DGKG: variants seen among roughly 807,000 people sequenced by gnomAD.
DGKG encodes DAG kinase gamma.
In DGKG, 78 loss-of-function variants were observed where a neutral mutation model predicts 105.3. The ratio of observed to expected loss-of-function variants is 0.74; its 90% CI spans 0.62 to 0.89. DGKG has a LOEUF of 0.89. Ranked by LOEUF, DGKG falls within the 40% of genes least tolerant of loss-of-function variation. The pLI, the probability that DGKG is intolerant of heterozygous loss-of-function variation, is 0.00. For missense variants in DGKG, 958 were observed against 1,020.1 expected (o/e 0.94, Z 0.83); for synonymous variants, 346 against 367.1 (o/e 0.94, Z 0.66).
chr3:186,298,234 G>A lies in DGKG; in HGVS notation c.145-5C>T. Reference sequence around the variant, plus strand: ...GAAGACATCATAGCTAATCGGCTGAGAAGGGGCAAAAGGGCAAAGTCAGTG... The same window carrying A: ...GAAGACATCATAGCTAATCGGCTGAAAAGGGGCAAAAGGGCAAAGTCAGTG... On this transcript the variant is annotated splice_polypyrimidine_tract_variant and splice_region_variant and intron_variant, in intron 3 of 24. Transcript: ENST00000265022. 6.3e-7 allele frequency: 1 copy of A among 1,586,886 alleles called. No individual in the cohort carries two copies. The highest frequency in any genetic ancestry group is 1.2e-5 in the South Asian group (1 of 86,908).
intron 6 of DGKG, 66 bp downstream of exon 6, chr3:186,288,644 A>T: frequency 6.5e-7 from 1 of 1,540,346 alleles, no homozygotes. Flanking sequence ...GTTTAGGAAT[A>T]ATGGATAGAA....
chr3:186,312,428 A>G (rs1368274809), intron 2 of DGKG, among the ~76,000 whole-genome samples: 4 of 152,116 alleles, frequency 2.6e-5, no homozygotes, highest in Admixed American at 6.6e-5. Context: ...AGTGACACCA[A>G]TTTTGCAGGT....
intron 1 of DGKG, among the ~76,000 whole-genome samples, chr3:186,355,939 T>C (rs1726934506): frequency 6.6e-6 from 1 of 152,216 alleles, no homozygotes; most frequent in Non-Finnish European, 1.5e-5. Flanking sequence ...GGAACCAGCA[T>C]GGAATCACTG....
chr3:186,276,607 C>T (rs752771144), intron 9 of DGKG, among the ~76,000 whole-genome samples: 1 of 152,212 alleles, frequency 6.6e-6, no homozygotes, highest in Non-Finnish European at 1.5e-5. Flanking sequence ...CACCTCCTGA[C>T]TTTGTTCAGA....
chr3:186,352,500 T>C (rs1234253650), intron 1 of DGKG, among the ~76,000 whole-genome samples: 1 of 152,156 alleles, frequency 6.6e-6, no homozygotes, highest in Non-Finnish European at 1.5e-5. Flanking sequence ...ATCTATCCAA[T>C]TACATCTCCA....
At chr3:186,199,594 C>G (rs768811381) in intron 21 of DGKG, among the ~76,000 whole-genome samples, 3 of 152,028 alleles carry the variant, frequency 2.0e-5, no homozygotes, top group Non-Finnish European at 4.4e-5. Flanking sequence ...CTCACTGCAA[C>G]CTCCGCCTCC....
intron 2 of DGKG, among the ~76,000 whole-genome samples, chr3:186,312,906 TAC>T (rs1246014225): frequency 1.3e-5 from 2 of 152,246 alleles, no homozygotes; most frequent in Non-Finnish European, 2.9e-5. Context: ...ATGTACTTGC[TAC>T]ACACATATTC....
At chr3:186,234,815 T>G (rs1263827284) in intron 20 of DGKG, among the ~76,000 whole-genome samples, 1 of 152,158 alleles carries the variant, frequency 6.6e-6, no homozygotes, top group Non-Finnish European at 1.5e-5. Flanking sequence ...TAAGAGTCAG[T>G]GTGATTTCAT....
chr3:186,252,976 G>C (rs1213288678), intron 18 of DGKG, 117 bp downstream of exon 18: 1 of 822,678 alleles, frequency 1.2e-6, no homozygotes, highest in African/African-American at 1.7e-5. Context: ...CTGCAGAGTT[G>C]AGTATTATGC....
intron 9 of DGKG, among the ~76,000 whole-genome samples, chr3:186,275,908 C>T (rs962518133): frequency 2.0e-5 from 3 of 152,104 alleles, no homozygotes; most frequent in Non-Finnish European, 2.9e-5. Context: ...AATCCTCTCC[C>T]GCATGGCTGG....
intron 1 of DGKG, among the ~76,000 whole-genome samples, chr3:186,360,903 C>T (rs1013178101): frequency 6.6e-6 from 1 of 152,242 alleles, no homozygotes; most frequent in Non-Finnish European, 1.5e-5. Context: ...CCAGGCCCTC[C>T]TCCCCACAGA....
At chr3:186,174,341 T>G (rs1431223915) in intron 22 of DGKG, among the ~76,000 whole-genome samples, 1 of 152,116 alleles carries the variant, frequency 6.6e-6, no homozygotes, top group Non-Finnish European at 1.5e-5. Flanking sequence ...CCGACTTTGC[T>G]ACACAGTAAG....
At chr3:186,157,428 T>C (rs1471770871) in intron 24 of DGKG, among the ~76,000 whole-genome samples, 1 of 152,190 alleles carries the variant, frequency 6.6e-6, no homozygotes, top group Non-Finnish European at 1.5e-5. Flanking sequence ...TATAGTCTTC[T>C]ATTTTTAAAT....
chr3:186,359,711 G>T (rs1478831346), intron 1 of DGKG, among the ~76,000 whole-genome samples: 1 of 152,090 alleles, frequency 6.6e-6, no homozygotes, highest in Non-Finnish European at 1.5e-5. Context: ...AATAAATGCT[G>T]GCTCTCTATG....
At position 186,148,866 on chromosome 3, in the gene DGKG, G is replaced by C. The variant is rs1682939340; in HGVS notation, c.*1224C>G. Reference sequence around the variant, plus strand: ...CTGACAATGAAACGGTGGAGTGGGGGAGTGAGAACCTTCTTTTTCCTTACC... The same window carrying C: ...CTGACAATGAAACGGTGGAGTGGGGCAGTGAGAACCTTCTTTTTCCTTACC... On this transcript the variant is annotated 3_prime_UTR_variant, in exon 25 of 25. Transcript: ENST00000265022. 1 of 984,580 alleles carries C rather than the reference G, an allele frequency of 1.0e-6. No individual in the cohort carries two copies. Among genetic ancestry groups the C allele is most frequent in the Middle Eastern group, 5.2e-4 (1 of 1,910 alleles). The allele number at this position is 984,580 out of a possible 1,614,324, so 61.0% of individuals were successfully genotyped here.
At chr3:186,267,188 G>T (rs1482094262) in intron 13 of DGKG, among the ~76,000 whole-genome samples, 2 of 152,174 alleles carry the variant, frequency 1.3e-5, no homozygotes, top group African/African-American at 4.8e-5. Flanking sequence ...GATGAGGGAG[G>T]TTGGGAGCCT....
chr3:186,166,555 G>T (rs938518684), intron 22 of DGKG, among the ~76,000 whole-genome samples: 1 of 152,134 alleles, frequency 6.6e-6, no homozygotes, highest in African/African-American at 2.4e-5. Context: ...ACCAAAGAGG[G>T]TTGAATAACG....
intron 2 of DGKG, among the ~76,000 whole-genome samples, chr3:186,310,481 C>T (rs536618665): frequency 6.6e-6 from 1 of 152,202 alleles, no homozygotes; most frequent in East Asian, 1.9e-4. Flanking sequence ...TCCTTATATA[C>T]TTTATAACAG....
chr3:186,174,648 G>A (rs1037768353), intron 22 of DGKG, among the ~76,000 whole-genome samples: 2 of 127,092 alleles, frequency 1.6e-5, no homozygotes, highest in Admixed American at 8.3e-5. Context: ...TCCTTTCCCT[G>A]CGGCTGTGTG....
Sources: gnomAD v4.1 joint callset for allele counts (sites outside exome capture counted in the v4.1 genomes callset) on GRCh38, gnomAD v4.1.1 for gene constraint, MANE v1.5 for transcripts, NCBI Gene and HGNC (gene_info 2026-07-23, HGNC 2026-07-21) for gene names.